ATG7: variants seen among roughly 807,000 people sequenced by gnomAD.
ATG7 encodes the protein ubiquitin-like modifier-activating enzyme ATG7.
A neutral mutation model predicts 82.4 loss-of-function variants in ATG7; 70 were observed. The ratio of observed to expected loss-of-function variants is 0.85; its 90% CI spans 0.70 to 1.04. The LOEUF (loss-of-function observed/expected upper bound fraction) is 1.04, where lower values mean the gene tolerates loss of function less well. Ranked by LOEUF, ATG7 falls within the 50% of genes least tolerant of loss-of-function variation. ATG7 has a pLI of 0.00. For synonymous variants in ATG7, 287 were observed against 313.0 expected (o/e 0.92, Z 0.88); for missense variants, 792 against 864.3 (o/e 0.92, Z 1.05).
At chr3:11,320,137 CTT>C (rs576107851) in intron 9 of ATG7, among the ~76,000 whole-genome samples, 35 of 152,226 alleles carry the variant, frequency 2.3e-4, no homozygotes, top group African/African-American at 7.9e-4. Context: ...CTGGAACTCT[CTT>C]CTCTCTCTTT....
intron 20 of ATG7, among the ~76,000 whole-genome samples, chr3:11,464,540 C>T (rs2086646139): frequency 6.6e-6 from 1 of 152,192 alleles, no homozygotes; most frequent in South Asian, 2.1e-4. Flanking sequence ...CACTTCTGCT[C>T]CCACCAGCTG....
At chr3:11,469,215 C>A (rs532870330) in intron 20 of ATG7, among the ~76,000 whole-genome samples, 1 of 151,996 alleles carries the variant, frequency 6.6e-6, no homozygotes, top group African/African-American at 2.4e-5. Context: ...TTTGGGAGGC[C>A]GAGGCAGGTG....
At chr3:11,352,012 C>T (rs2075591643) in intron 14 of ATG7, among the ~76,000 whole-genome samples, 1 of 144,792 alleles carries the variant, frequency 6.9e-6, no homozygotes, top group Non-Finnish European at 1.5e-5. Context: ...TCCCTCCACG[C>T]CACGACAGGC....
intron 14 of ATG7, among the ~76,000 whole-genome samples, chr3:11,350,942 A>G (rs2075491702): frequency 6.6e-6 from 1 of 151,138 alleles, no homozygotes; most frequent in African/African-American, 2.4e-5. Context: ...AAAAAAAAAA[A>G]AAAAAAGCAG....
At chr3:11,487,004 T>C (rs2089756968) in intron 20 of ATG7, among the ~76,000 whole-genome samples, 1 of 151,842 alleles carries the variant, frequency 6.6e-6, no homozygotes, top group Non-Finnish European at 1.5e-5. Context: ...TTTGTGTCCC[T>C]GATTACTTGA....
At chr3:11,347,698 C>G (rs1954768731) in intron 13 of ATG7, among the ~76,000 whole-genome samples, 179 bp from the exon 14 acceptor site, 1 of 152,142 alleles carries the variant, frequency 6.6e-6, no homozygotes, top group African/African-American at 2.4e-5. Context: ...ATGTTGTTTT[C>G]TAAGGAAAGT....
At chr3:11,298,166 C>CT (rs1056952381) in intron 3 of ATG7, among the ~76,000 whole-genome samples, 2 of 150,938 alleles carry the variant, frequency 1.3e-5, no homozygotes, top group Admixed American at 6.6e-5. Flanking sequence ...CAGAGTGAGA[C>CT]TCCATCTCAA....
At chr3:11,288,549 C>A (rs2152666320) in intron 3 of ATG7, 1 of 152,220 alleles carries the variant, frequency 6.6e-6, no homozygotes, top group South Asian at 2.1e-4. Flanking sequence ...TTAGTTATTT[C>A]TGTATTGTTT....
chr3:11,439,150 C>G (rs969466160), intron 20 of ATG7, among the ~76,000 whole-genome samples: 1 of 142,266 alleles, frequency 7.0e-6, no homozygotes, highest in African/African-American at 2.6e-5. Flanking sequence ...CTCACTGCAA[C>G]CTCCGTCTCC....
chr3:11,360,563 A>C lies in ATG7; in HGVS notation c.1480-18A>C, dbSNP rs1161956967. ...ATGTGTCTTTTAACTCTGCTCTTTC[A>C]TTCCTTGAAACCTGCAGCTGGTCAT... is the stretch of plus-strand genomic sequence containing the variant. On this transcript the variant is annotated intron_variant, in intron 15 of 20. Coordinates refer to ENST00000693202, the MANE Select transcript of ATG7 (RefSeq NM_001349232.2). 1 of 1,608,728 alleles carries C rather than the reference A, an allele frequency of 6.2e-7. No individual in the cohort carries two copies. Among genetic ancestry groups the C allele is most frequent in the African/African-American group, 1.3e-5 (1 of 74,764 alleles).
chr3:11,442,748 A>C (rs1471940652), intron 20 of ATG7, among the ~76,000 whole-genome samples: 65 of 139,652 alleles, frequency 4.7e-4, no homozygotes, highest in African/African-American at 1.6e-3. Context: ...ACAAAAAAAA[A>C]AAAAAAAAAA....
chr3:11,372,752 ACT>A (rs2077088178), intron 18 of ATG7, among the ~76,000 whole-genome samples: 3 of 151,062 alleles, frequency 2.0e-5, no homozygotes, highest in Admixed American at 6.6e-5. Context: ...AGGTTTGGTC[ACT>A]CTGAGGAATC....
At chr3:11,372,825 T>TGC (rs1559490283) in intron 18 of ATG7, among the ~76,000 whole-genome samples, 1 of 117,468 alleles carries the variant, frequency 8.5e-6, no homozygotes, top group East Asian at 2.3e-4. Flanking sequence ...TGCGCGCGTG[T>TGC]GCGTGTGTGT....
intron 13 of ATG7, among the ~76,000 whole-genome samples, chr3:11,344,368 T>C (rs1334963741): frequency 6.6e-6 from 1 of 152,216 alleles, no homozygotes; most frequent in Non-Finnish European, 1.5e-5. Flanking sequence ...ATTTTGATGT[T>C]GGTTTCTGGT....
intron 19 of ATG7, among the ~76,000 whole-genome samples, chr3:11,415,640 T>A (rs2081308667): frequency 6.6e-6 from 1 of 152,164 alleles, no homozygotes; most frequent in Non-Finnish European, 1.5e-5. Context: ...GTCAGGATCA[T>A]CAGTATCACT....
In ATG7 at chr3:11,413,318, A is replaced by G. The variant is rs554274000; in HGVS notation, c.1957-13486A>G. ...GTGGGTTTTGTTGCATATGGCTTTT[A>G]TTATGTTGAGGCAGTTTCCTTCTAT... is the stretch of plus-strand genomic sequence containing the variant. On this transcript the variant is annotated intron_variant, in intron 19 of 20. Coordinates refer to ENST00000693202, the MANE Select transcript of ATG7 (RefSeq NM_001349232.2). Among the ~76,000 whole-genome samples the G allele has an allele frequency of 1.2e-4, 18 of 152,026 alleles. No homozygotes were observed. The South Asian group carries it at 3.5e-3, about 30-fold the overall frequency.
chr3:11,430,958 C>G (rs917453232), intron 20 of ATG7, among the ~76,000 whole-genome samples: 1 of 152,142 alleles, frequency 6.6e-6, no homozygotes, highest in Non-Finnish European at 1.5e-5. Context: ...CTAGGGCGTT[C>G]TAGACTGAAT....
At chr3:11,427,793 C>T (rs547876139) in intron 20 of ATG7, among the ~76,000 whole-genome samples, 73 of 145,336 alleles carry the variant, frequency 5.0e-4, no homozygotes, top group Non-Finnish European at 9.5e-4. Context: ...CCAGTCCGGG[C>T]GACGGTGCGA....
chr3:11,520,673 CT>C (rs1276978505), intron 20 of ATG7, among the ~76,000 whole-genome samples: 12 of 152,214 alleles, frequency 7.9e-5, no homozygotes, highest in African/African-American at 2.9e-4. Flanking sequence ...CGCCCTGTAC[CT>C]CACAGCAGCC....
Sources: gnomAD v4.1 joint callset for allele counts (sites outside exome capture counted in the v4.1 genomes callset) on GRCh38, gnomAD v4.1.1 for gene constraint, MANE v1.5 for transcripts, NCBI Gene and HGNC (gene_info 2026-07-23, HGNC 2026-07-21) for gene names.